SORL1: variants seen among roughly 807,000 people sequenced by gnomAD.
SORL1 encodes the protein sortilin related receptor 1.
SORL1 carries 127 observed loss-of-function variants against 273.7 expected under a neutral mutation model. That is an observed-to-expected ratio of 0.46 (90% CI 0.40 to 0.54). The LOEUF (loss-of-function observed/expected upper bound fraction) is 0.54, where lower values mean the gene tolerates loss of function less well. Ranked by LOEUF, SORL1 falls within the 20% of genes least tolerant of loss-of-function variation. The pLI is 0.00. For missense variants in SORL1, 2,494 were observed against 2,846.1 expected (o/e 0.88, Z 2.81); for synonymous variants, 1,031 against 1,067.4 (o/e 0.97, Z 0.66).
intron 29 of SORL1, 80 bp from the exon 30 acceptor site, chr11:121,589,959 TG>T: frequency 6.5e-7 from 1 of 1,540,686 alleles, no homozygotes; most frequent in Non-Finnish European, 8.9e-7. Flanking sequence ...AACTTGGGTC[TG>T]GAGGAGGATG....
At chr11:121,619,655 T>C (rs1863692928) in intron 42 of SORL1, 98 bp from the exon 43 acceptor site, 1 of 1,022,416 alleles carries the variant, frequency 9.8e-7, no homozygotes, top group Non-Finnish European at 1.4e-6. Flanking sequence ...ACTAACTGAA[T>C]TTTAATTGTT....
chr11:121,594,115 AT>A (rs11361113), intron 31 of SORL1, among the ~76,000 whole-genome samples: 127,649 of 147,292 alleles, frequency 0.87, 57,045 homozygotes, highest in East Asian at 1. Context: ...TTTGATTCTG[AT>A]TTTTTTTTTT....
At chr11:121,556,399 C>A (rs1252423127) in intron 18 of SORL1, among the ~76,000 whole-genome samples, 1 of 152,044 alleles carries the variant, frequency 6.6e-6, no homozygotes, top group Non-Finnish European at 1.5e-5. Flanking sequence ...CTTAGCTGAG[C>A]CCTGGCTGAG....
In SORL1 at chr11:121,551,006, A is replaced by C. The variant is rs563313334; in HGVS notation, c.2266+336A>C. The stretch of plus-strand genomic sequence containing the variant: ...TTCCTTAATCTGTTTGTCAAAGTTG[A>C]GTATAAAGAGGTGTGTGACTTCTTA... On this transcript the variant is annotated intron_variant, in intron 16 of 47. Coordinates refer to ENST00000260197, the MANE Select transcript of SORL1 (RefSeq NM_003105.6). Among the ~76,000 whole-genome samples the C allele has an allele frequency of 7.2e-5, 11 of 152,348 alleles. No individual in the cohort carries two copies. In the South Asian group the frequency reaches 1.7e-3, roughly 23 times the overall value.
intron 6 of SORL1, among the ~76,000 whole-genome samples, chr11:121,498,773 G>T (rs1861667238): frequency 6.6e-6 from 1 of 152,124 alleles, no homozygotes; most frequent in Non-Finnish European, 1.5e-5. Flanking sequence ...CTACTCGGAA[G>T]GCCGAGGCAG....
intron 41 of SORL1, among the ~76,000 whole-genome samples, chr11:121,617,996 GTC>G: frequency 6.6e-6 from 1 of 152,304 alleles, no homozygotes; most frequent in African/African-American, 2.4e-5. Flanking sequence ...TGTGGCATGT[GTC>G]TTCAAGCTCA....
intron 26 of SORL1, among the ~76,000 whole-genome samples, chr11:121,585,896 C>G (rs1484000402): frequency 6.6e-6 from 1 of 152,128 alleles, no homozygotes; most frequent in East Asian, 1.9e-4. Flanking sequence ...TGTTTTCAAT[C>G]TATTACACAG....
At chr11:121,517,064 T>A (rs1004547735) in intron 8 of SORL1, among the ~76,000 whole-genome samples, 3 of 151,758 alleles carry the variant, frequency 2.0e-5, no homozygotes, top group South Asian at 2.1e-4. Context: ...AAAAAAAAAA[T>A]TATTTATTGA....
intron 4 of SORL1, among the ~76,000 whole-genome samples, chr11:121,488,702 A>C (rs950471280): frequency 1.3e-5 from 2 of 152,148 alleles, no homozygotes; most frequent in Non-Finnish European, 2.9e-5. Flanking sequence ...TTCCTCCTTC[A>C]ACCCAGGTTT....
chr11:121,546,920 A>G (rs1311274881), intron 14 of SORL1: 1 of 152,194 alleles, frequency 6.6e-6, no homozygotes, highest in South Asian at 2.1e-4. Flanking sequence ...CTGCGTTTCC[A>G]TCAAGCTCCC....
Position 121,543,721 on chromosome 11 carries a change from C to T in SORL1, c.1859C>T (p.Ala620Val), listed in dbSNP as rs752921306. 11 of 1,611,706 alleles carry T rather than the reference C, an allele frequency of 6.8e-6. No homozygotes were observed. The East Asian group carries it at 2.5e-4, about 36-fold the overall frequency. Residue 620 changes from alanine (A) to valine (V), a missense_variant, in exon 13 of 48, where the codon GCC becomes GTC. Around this residue, in one of 3 missense-constraint regions of SORL1, gnomAD observed 710 missense variants for 882.5 expected, o/e 0.80. Transcript: ENST00000260197. ...WLILQVNATDALGVPCTENDY... is the reference protein window; with the variant it reads ...WLILQVNATDVLGVPCTENDY... ...ATCCTCCAGGTCAATGCCACGGATG[C>T]CTTGGGTAAGCTGCTGCCTCCTTGG...
chr11:121,530,469 G>A (rs1233075252), intron 11 of SORL1, among the ~76,000 whole-genome samples: 1 of 152,098 alleles, frequency 6.6e-6, no homozygotes, highest in African/African-American at 2.4e-5. Flanking sequence ...GATGTCTACT[G>A]TTTTCTTGTT....
Position 121,623,606 on chromosome 11 carries a change from A to G in SORL1, c.6171+1338A>G, listed in dbSNP as rs73597310. Reference sequence around the variant, plus strand: ...GTATTTTACAAATGATCGACACCAGATATCTATTAGGTGGAAGGTAATAAC... The same window carrying G: ...GTATTTTACAAATGATCGACACCAGGTATCTATTAGGTGGAAGGTAATAAC... On this transcript the variant is annotated intron_variant, in intron 45 of 47. Coordinates refer to ENST00000260197, the MANE Select transcript of SORL1 (RefSeq NM_003105.6). Among the ~76,000 whole-genome samples, 1,511 of 152,288 alleles carry G rather than the reference A, an allele frequency of 9.9e-3. 18 individuals are homozygous for G. The highest frequency in any genetic ancestry group is 0.034 in the African/African-American group (1,400 of 41,550).
intron 2 of SORL1, among the ~76,000 whole-genome samples, chr11:121,474,081 A>C (rs1861219850): frequency 2.0e-5 from 3 of 152,174 alleles, no homozygotes; most frequent in South Asian, 4.1e-4. Flanking sequence ...CTGAAATCAG[A>C]ACACCTGGGC....
At position 121,632,757 on chromosome 11, in the gene SORL1, T is replaced by G. The variant is rs891922855; in HGVS notation, c.*3194T>G. On this transcript the variant is annotated 3_prime_UTR_variant, in exon 48 of 48. Coordinates refer to ENST00000260197, the MANE Select transcript of SORL1 (RefSeq NM_003105.6). ...CTTCAGATGCTTACCAAGTGGTCACTGCATCTAGTAAGATTATATTTCCAG... is the reference window on the plus strand; with the variant it reads ...CTTCAGATGCTTACCAAGTGGTCACGGCATCTAGTAAGATTATATTTCCAG... 2.0e-5 allele frequency: 3 copies of G among 152,112 alleles called. No homozygotes were observed. The allele number at this position is 152,112 out of a possible 1,614,324, so 9.4% of individuals were successfully genotyped here.
chr11:121,479,796 T>C (rs764753169), intron 3 of SORL1, among the ~76,000 whole-genome samples: 1 of 152,186 alleles, frequency 6.6e-6, no homozygotes, highest in Non-Finnish European at 1.5e-5. Context: ...TGTTAAAATA[T>C]CAGCTCTGCC....
At chr11:121,621,412 G>A (rs992029541) in intron 44 of SORL1, among the ~76,000 whole-genome samples, 174 bp downstream of exon 44, 1 of 152,192 alleles carries the variant, frequency 6.6e-6, no homozygotes, top group African/African-American at 2.4e-5. Flanking sequence ...TCTGAGCCGT[G>A]GCGTGGTGGC....
At chr11:121,616,317 G>T (rs1382745260) in intron 41 of SORL1, among the ~76,000 whole-genome samples, 1 of 152,140 alleles carries the variant, frequency 6.6e-6, no homozygotes, top group African/African-American at 2.4e-5. Context: ...AGGTGAGAGC[G>T]CAAATGAGAT....
intron 32 of SORL1, among the ~76,000 whole-genome samples, chr11:121,599,102 A>G (rs1284910851): frequency 1.3e-5 from 2 of 152,198 alleles, no homozygotes; most frequent in Non-Finnish European, 2.9e-5. Context: ...TTCCTGTTGG[A>G]ACTCAGATCC....
Sources: allele counts gnomAD v4.1 joint callset (sites outside exome capture counted in the v4.1 genomes callset), GRCh38; gene constraint gnomAD v4.1.1; regional missense constraint gnomAD v4.1.1; transcripts MANE v1.5; gene names NCBI Gene and HGNC (gene_info 2026-07-23, HGNC 2026-07-21).